SH3RF3: variants seen among roughly 807,000 people sequenced by gnomAD.
The protein encoded by SH3RF3 is SH3 domain containing ring finger 3, also known as E3 ubiquitin-protein ligase SH3RF3.
In SH3RF3, 29 loss-of-function variants were observed where a neutral mutation model predicts 66.3. That is an observed-to-expected ratio of 0.44 (90% CI 0.33 to 0.60). The LOEUF (loss-of-function observed/expected upper bound fraction) is 0.60. Among genes scored for constraint, SH3RF3 ranks in the 20% least tolerant of loss-of-function variants. SH3RF3 has a pLI of 0.04. For synonymous variants in SH3RF3, 583 were observed against 532.0 expected (o/e 1.10, Z -1.32); for missense variants, 1,194 against 1,190.9 (o/e 1.00, Z -0.04).
intron 3 of SH3RF3, among the ~76,000 whole-genome samples, chr2:109,376,226 G>T (rs1273566195): frequency 1.3e-5 from 2 of 152,262 alleles, no homozygotes. Context: ...TGGGTTTGAA[G>T]GCAGGGCAGT....
intron 4 of SH3RF3, among the ~76,000 whole-genome samples, chr2:109,416,827 G>T (rs1676736227): frequency 6.6e-6 from 1 of 150,790 alleles, no homozygotes; most frequent in Non-Finnish European, 1.5e-5. Context: ...AATCGCCTGA[G>T]CCCAGAAGCA....
At chr2:109,453,568 C>A (rs1289680972) in intron 8 of SH3RF3, among the ~76,000 whole-genome samples, 1 of 152,124 alleles carries the variant, frequency 6.6e-6, no homozygotes, top group Non-Finnish European at 1.5e-5. Context: ...GCATCCCTAA[C>A]CACCCGACCG....
chr2:109,251,815 A>G (rs1680098220), intron 1 of SH3RF3, among the ~76,000 whole-genome samples: 1 of 152,212 alleles, frequency 6.6e-6, no homozygotes, highest in Admixed American at 6.5e-5. Flanking sequence ...CCAAATATTT[A>G]ATATTTTTAA....
intron 1 of SH3RF3, among the ~76,000 whole-genome samples, chr2:109,287,580 A>C (rs1334373124): frequency 6.6e-6 from 1 of 152,188 alleles, no homozygotes; most frequent in Non-Finnish European, 1.5e-5. Flanking sequence ...TGGAGACTGC[A>C]TCATCTGCAC....
chr2:109,414,300 C>T (rs1393496961), intron 4 of SH3RF3, among the ~76,000 whole-genome samples: 1 of 152,212 alleles, frequency 6.6e-6, no homozygotes, highest in African/African-American at 2.4e-5. Context: ...ACTTCATACT[C>T]CAGCTGTCTA....
chr2:109,361,408 T>C (rs1345553357), intron 2 of SH3RF3, among the ~76,000 whole-genome samples: 2 of 152,224 alleles, frequency 1.3e-5, no homozygotes, highest in African/African-American at 4.8e-5. Flanking sequence ...TTTATATGTT[T>C]GGTAGAATTC....
rs147574159 is a variant in SH3RF3 at position 109,171,033 on chromosome 2, G to A, written c.573+40920G>A. On this transcript the variant is annotated intron_variant, in intron 1 of 9. Coordinates refer to ENST00000309415, the MANE Select transcript of SH3RF3 (RefSeq NM_001099289.3). ...CACACCTGCATGCCAGGTGCTGGGG[G>A]CTGGGGGAGTCTGTGTCCTGGTTTG... 3.3e-3 allele frequency among the ~76,000 whole-genome samples: 501 copies of A among 152,324 alleles called. 3 individuals carry two copies. Among genetic ancestry groups the A allele is most frequent in the African/African-American group, 0.011 (465 of 41,570 alleles).
chr2:109,330,438 G>A (rs1401971021), intron 1 of SH3RF3, among the ~76,000 whole-genome samples: 1 of 151,522 alleles, frequency 6.6e-6, no homozygotes, highest in African/African-American at 2.4e-5. Flanking sequence ...ATGTATATTC[G>A]ATACATTATG....
intron 7 of SH3RF3, among the ~76,000 whole-genome samples, chr2:109,437,903 G>A (rs1411215461): frequency 2.0e-5 from 3 of 152,142 alleles, no homozygotes; most frequent in Non-Finnish European, 4.4e-5. Flanking sequence ...CTTCCACCAC[G>A]GTGGAGCCAG....
chr2:109,195,298 A>T (rs1362447183), intron 1 of SH3RF3, among the ~76,000 whole-genome samples: 5 of 152,300 alleles, frequency 3.3e-5, no homozygotes, highest in Non-Finnish European at 7.4e-5. Flanking sequence ...AGCTAGGGTC[A>T]TGTGGCAGGC....
At chr2:109,180,470 G>A (rs938717706) in intron 1 of SH3RF3, among the ~76,000 whole-genome samples, 6 of 152,152 alleles carry the variant, frequency 3.9e-5, no homozygotes, top group Non-Finnish European at 7.4e-5. Flanking sequence ...CAGTGATATG[G>A]TTTGGCTCTG....
chr2:109,221,781 A>G (rs1043430112), intron 1 of SH3RF3, among the ~76,000 whole-genome samples: 46 of 152,298 alleles, frequency 3.0e-4, no homozygotes, highest in African/African-American at 1.0e-3. Context: ...GGCAGCCACT[A>G]TGGAAACCAG....
intron 9 of SH3RF3, 140 bp downstream of exon 9, chr2:109,491,076 G>A: frequency 1.3e-6 from 1 of 773,570 alleles, no homozygotes; most frequent in Admixed American, 3.6e-5. Flanking sequence ...GATCCACATG[G>A]TCCCGAGCTT....
At chr2:109,343,181 C>T (rs375181988) in intron 1 of SH3RF3, among the ~76,000 whole-genome samples, 1 of 152,104 alleles carries the variant, frequency 6.6e-6, no homozygotes, top group Non-Finnish European at 1.5e-5. Context: ...TTTTCTCCCC[C>T]ATAATAGCAT....
chr2:109,269,096 A>G (rs1023216996), intron 1 of SH3RF3, among the ~76,000 whole-genome samples: 1 of 152,186 alleles, frequency 6.6e-6, no homozygotes, highest in Non-Finnish European at 1.5e-5. Flanking sequence ...CACGAGGCAC[A>G]AGGGCCGCAC....
At chr2:109,369,765 C>T (rs1683225545) in intron 2 of SH3RF3, among the ~76,000 whole-genome samples, 1 of 152,210 alleles carries the variant, frequency 6.6e-6, no homozygotes, top group Non-Finnish European at 1.5e-5. Flanking sequence ...GCTGCCTCAA[C>T]TCGGATGGAC....
chr2:109,365,152 G>A (rs1683130794), intron 2 of SH3RF3, among the ~76,000 whole-genome samples: 1 of 152,182 alleles, frequency 6.6e-6, no homozygotes, highest in South Asian at 2.1e-4. Flanking sequence ...GAATGCTCTG[G>A]CATGTTTCAC....
At chr2:109,338,765 C>T (rs1201829824) in intron 1 of SH3RF3, among the ~76,000 whole-genome samples, 1 of 152,172 alleles carries the variant, frequency 6.6e-6, no homozygotes, top group Admixed American at 6.5e-5. Context: ...ACCATGTTGG[C>T]CAGGCTGGTC....
chr2:109,277,093 C>T (rs1352798298), intron 1 of SH3RF3, among the ~76,000 whole-genome samples: 1 of 152,206 alleles, frequency 6.6e-6, no homozygotes, highest in African/African-American at 2.4e-5. Context: ...CGCCGGCGGT[C>T]CCTCAACTGT....
Sources: gnomAD v4.1 joint callset for allele counts (sites outside exome capture counted in the v4.1 genomes callset) on GRCh38, gnomAD v4.1.1 for gene constraint, MANE v1.5 for transcripts, NCBI Gene and HGNC (gene_info 2026-07-23, HGNC 2026-07-21) for gene names.